The following RPS6KC1 variants were observed in gnomAD, a reference collection of about 807,000 sequenced individuals.
RPS6KC1 encodes ribosomal protein S6 kinase C1.
A neutral mutation model predicts 103.8 loss-of-function variants in RPS6KC1; 54 were observed. That is an observed-to-expected ratio of 0.52 (90% CI 0.42 to 0.65). The LOEUF is 0.65. Among genes scored for constraint, RPS6KC1 ranks in the 30% least tolerant of loss-of-function variants. The pLI is 0.00. For missense variants in RPS6KC1, 1,151 were observed against 1,253.8 expected (o/e 0.92, Z 1.24); for synonymous variants, 439 against 438.7 (o/e 1.00, Z -0.01).
the RPS6KC1 span, among the ~76,000 whole-genome samples, chr1:213,595,142 T>A: frequency 6.6e-6 from 1 of 152,150 alleles, no homozygotes; most frequent in African/African-American, 2.4e-5. Flanking sequence ...AAACACTAGT[T>A]CCAGACTCTT....
the RPS6KC1 span, among the ~76,000 whole-genome samples, chr1:213,346,575 G>A: frequency 1.4e-4 from 21 of 152,068 alleles, no homozygotes; most frequent in African/African-American, 4.8e-4. Context: ...GATAGAAGAC[G>A]GTGAGGGTAC....
At chr1:213,488,329 T>G in the RPS6KC1 span, among the ~76,000 whole-genome samples, 1 of 152,246 alleles carries the variant, frequency 6.6e-6, no homozygotes, top group African/African-American at 2.4e-5. Flanking sequence ...CATTATAAAC[T>G]GTTATGGGAA....
chr1:213,662,549 G>A, the RPS6KC1 span, among the ~76,000 whole-genome samples: 145,701 of 151,952 alleles, frequency 0.96, 70,144 homozygotes, highest in East Asian at 1. Flanking sequence ...AAGTGTTGGG[G>A]TTACAGGCGT....
At chr1:213,117,883 G>A (rs1165421746) in intron 5 of RPS6KC1, among the ~76,000 whole-genome samples, 1 of 151,504 alleles carries the variant, frequency 6.6e-6, no homozygotes, top group Non-Finnish European at 1.5e-5. Flanking sequence ...TTAGCTGGGT[G>A]TGGTGGCAGG....
At chr1:213,535,465 A>C in the RPS6KC1 span, among the ~76,000 whole-genome samples, 8 of 152,192 alleles carry the variant, frequency 5.3e-5, no homozygotes, top group African/African-American at 1.9e-4. Flanking sequence ...TGTATTCATC[A>C]TATCTGCCTG....
chr1:213,312,251 AG>A, the RPS6KC1 span, among the ~76,000 whole-genome samples: 17 of 151,654 alleles, frequency 1.1e-4, no homozygotes, highest in Non-Finnish European at 2.4e-4. Context: ...CTCCCAGTGC[AG>A]GGGGGGCAAC....
At chr1:213,234,010 CTCTCT>C (rs1378793066) in intron 10 of RPS6KC1, among the ~76,000 whole-genome samples, 10 of 149,156 alleles carry the variant, frequency 6.7e-5, no homozygotes, top group African/African-American at 2.5e-4. Flanking sequence ...AATTCTCTCT[CTCTCT>C]TTTTTTTTTT....
chr1:213,593,953 C>A, the RPS6KC1 span, among the ~76,000 whole-genome samples: 1 of 152,288 alleles, frequency 6.6e-6, no homozygotes, highest in Non-Finnish European at 1.5e-5. Flanking sequence ...GCAACCTCTG[C>A]CTCCTGGGTT....
chr1:213,812,018 G>C, the RPS6KC1 span, among the ~76,000 whole-genome samples: 7 of 152,156 alleles, frequency 4.6e-5, no homozygotes, highest in Admixed American at 2.0e-4. Flanking sequence ...ATAAAGATAT[G>C]TAATAAAACA....
the RPS6KC1 span, among the ~76,000 whole-genome samples, chr1:213,286,383 C>G: frequency 6.6e-6 from 1 of 152,140 alleles, no homozygotes; most frequent in African/African-American, 2.4e-5. Flanking sequence ...TATAAGATAA[C>G]ACAGAAACTA....
the RPS6KC1 span, among the ~76,000 whole-genome samples, chr1:213,483,273 A>T: frequency 6.6e-6 from 1 of 152,178 alleles, no homozygotes; most frequent in East Asian, 1.9e-4. Context: ...ATTACCACCC[A>T]CTGGGTCCCT....
At chr1:213,705,851 T>C in the RPS6KC1 span, among the ~76,000 whole-genome samples, 1 of 152,196 alleles carries the variant, frequency 6.6e-6, no homozygotes, top group Non-Finnish European at 1.5e-5. Context: ...CAGGTTCTCT[T>C]CTGGCCCAGG....
the RPS6KC1 span, among the ~76,000 whole-genome samples, chr1:213,568,685 G>A: frequency 3.9e-5 from 6 of 152,278 alleles, no homozygotes; most frequent in South Asian, 1.2e-3. Flanking sequence ...TAAAGAGGAG[G>A]ACGCAAAAGC....
At chr1:213,716,797 G>GTTTTACATAAT in the RPS6KC1 span, among the ~76,000 whole-genome samples, 1 of 152,034 alleles carries the variant, frequency 6.6e-6, no homozygotes, top group Non-Finnish European at 1.5e-5. Flanking sequence ...TTTACACTGG[G>GTTTTACATAAT]TTTTACATAA....
chr1:213,695,067 C>T, the RPS6KC1 span, among the ~76,000 whole-genome samples: 2 of 152,102 alleles, frequency 1.3e-5, no homozygotes, highest in African/African-American at 2.4e-5. Flanking sequence ...ATGTACGTTC[C>T]GTGAAGCCCA....
chr1:213,390,425 A>T, the RPS6KC1 span, among the ~76,000 whole-genome samples: 1 of 152,252 alleles, frequency 6.6e-6, no homozygotes, highest in Non-Finnish European at 1.5e-5. Context: ...AATGAAAATT[A>T]AAAGGGATGG....
chr1:213,175,272 A>G (rs983338666), intron 7 of RPS6KC1, among the ~76,000 whole-genome samples: 16 of 152,344 alleles, frequency 1.1e-4, no homozygotes, highest in East Asian at 9.6e-4. Flanking sequence ...GCACATTTCT[A>G]TTCTCAAGGA....
the RPS6KC1 span, among the ~76,000 whole-genome samples, chr1:213,285,482 CTAAA>C: frequency 4.6e-5 from 7 of 152,242 alleles, no homozygotes; most frequent in African/African-American, 1.7e-4. Context: ...AGCATACAAA[CTAAA>C]GAATTAAAGT....
chr1:213,369,431 G>T, the RPS6KC1 span, among the ~76,000 whole-genome samples: 1 of 152,222 alleles, frequency 6.6e-6, no homozygotes, highest in East Asian at 1.9e-4. Flanking sequence ...GCCCTATGGG[G>T]CCAAAGTCCT....
Sources: gnomAD v4.1 joint callset for allele counts (sites outside exome capture counted in the v4.1 genomes callset) on GRCh38, gnomAD v4.1.1 for gene constraint, MANE v1.5 for transcripts, NCBI Gene and HGNC (gene_info 2026-07-23, HGNC 2026-07-21) for gene names.